KLB: variants seen among roughly 807,000 people sequenced by gnomAD.
The protein encoded by KLB is beta-klotho.
Under a neutral mutation model 88.4 loss-of-function variants are expected in KLB, and 44 were observed. The observed-to-expected ratio is 0.50, with a 90% confidence interval of 0.39 to 0.64. KLB has a LOEUF of 0.64. Ranked by LOEUF, KLB falls within the 30% of genes least tolerant of loss-of-function variation. The pLI, the probability that KLB is intolerant of heterozygous loss-of-function variation, is 0.00. For synonymous variants in KLB, 548 were observed against 513.4 expected (o/e 1.07, Z -0.91); for missense variants, 1,137 against 1,304.8 (o/e 0.87, Z 1.98).
rs182047962 is a variant in KLB, at chr4:39,426,929, T to C, written c.826-7281T>C. ...GTCTTGAACTCCTGGCCTCAAGTGA[T>C]CCTCCCACCTCAGCCTCCCAAAGTG... On this transcript the variant is annotated intron_variant, in intron 1 of 4. Transcript: ENST00000257408. 1.0e-3 allele frequency among the ~76,000 whole-genome samples: 158 copies of C among 152,128 alleles called. 2 individuals carry two copies. Among genetic ancestry groups the C allele is most frequent in the African/African-American group, 3.8e-3 (156 of 41,510 alleles).
chr4:39,442,077 A>G (rs544389700), intron 3 of KLB, among the ~76,000 whole-genome samples: 1 of 152,220 alleles, frequency 6.6e-6, no homozygotes, highest in African/African-American at 2.4e-5. Flanking sequence ...CCCTGTCTCT[A>G]CAAAAAAAAC....
intron 3 of KLB, among the ~76,000 whole-genome samples, chr4:39,440,545 G>A (rs1223917712): frequency 1.3e-5 from 2 of 152,084 alleles, no homozygotes; most frequent in African/African-American, 4.8e-5. Context: ...AAGTTCTCAG[G>A]TTATGAATCT....
chr4:39,413,072 A>G (rs752146104), intron 1 of KLB, among the ~76,000 whole-genome samples: 1 of 152,218 alleles, frequency 6.6e-6, no homozygotes, highest in Non-Finnish European at 1.5e-5. Context: ...GAATGGGCTC[A>G]GTGACCAGGA....
rs188445158 is a variant in KLB, at chr4:39,434,867, C to T, written c.1336+147C>T. On this transcript the variant is annotated intron_variant, in intron 2 of 4. Coordinates refer to ENST00000257408, the MANE Select transcript of KLB (RefSeq NM_175737.4). ...TGTCTCCCAGGCTGAAGTGCAGTGG[C>T]ACCATCTTGGCTCACTGCAACCTCC... The T allele has an allele frequency of 3.6e-4, 239 of 664,808 alleles. 1 individual carries two copies. In the African/African-American group the frequency reaches 3.9e-3, roughly 11 times the overall value. The allele number at this position is 664,808 out of a possible 1,614,324, so 41.2% of individuals were successfully genotyped here.
At position 39,446,575 on chromosome 4, in the gene KLB, C is replaced by A. The variant is rs761068030; in HGVS notation, c.1849C>A (p.Arg617=). 6.2e-7 allele frequency: 1 copy of A among 1,614,226 alleles called. No individual in the cohort carries two copies. ...LPTGNLSAVN[R]QALRYYRCVV... is the part of the protein sequence containing the mutation. ...CACTGGCAACCTGTCCGCGGTGAAC[C>A]GACAGGCCCTGAGGTACTACAGGTG... Residue 617 remains arginine, a synonymous_variant, in exon 4 of 5, where the codon CGA becomes AGA. Transcript: ENST00000257408. This position sits in a 1 kb window ranked among gnomAD's most constrained non-coding sequence, Gnocchi z 6.4.
intron 1 of KLB, among the ~76,000 whole-genome samples, 154 bp downstream of exon 1, chr4:39,407,928 G>A (rs1435031808): frequency 6.6e-6 from 1 of 152,194 alleles, no homozygotes; most frequent in East Asian, 1.9e-4. Context: ...TTAAGTTAGT[G>A]TATGTTTTAT....
At chr4:39,429,597 TC>T (rs1475145473) in intron 1 of KLB, among the ~76,000 whole-genome samples, 1 of 152,176 alleles carries the variant, frequency 6.6e-6, no homozygotes, top group East Asian at 1.9e-4. Flanking sequence ...AGGTTGAAGC[TC>T]CCTTAAATCA....
Position 39,449,425 on chromosome 4 carries a change from TTCTG to T in KLB, c.*742_*745del, listed in dbSNP as rs1743840712. The T allele has an allele frequency of 6.6e-6, 1 of 152,048 alleles. No individual in the cohort carries two copies. Among genetic ancestry groups the T allele is most frequent in the Non-Finnish European group, 1.5e-5 (1 of 68,014 alleles). 9.4% of individuals were successfully genotyped at this position (152,048 alleles called of 1,614,324 possible). On this transcript the variant is annotated 3_prime_UTR_variant, in exon 5 of 5. Coordinates refer to ENST00000257408, the MANE Select transcript of KLB (RefSeq NM_175737.4). The stretch of plus-strand genomic sequence containing the variant: ...GGTAGTCAGTGATAGATAATATATA[TTCTG>T]TCACTTCTAATAAGGTGCCTTCTCC...
Position 39,446,752 on chromosome 4 carries a change from C to T in KLB, c.2026C>T (p.Leu676=). ...TAEAFQAYAG[L]CFQELGDLVK... ...CGAGGCCTTCCAGGCCTACGCTGGG[C>T]TGTGCTTCCAGGAGCTGGGGGACCT... is the stretch of plus-strand genomic sequence containing the variant. The change falls in exon 4 of 5, where the codon CTG becomes TTG. Residue 676 remains leucine (L), a synonymous_variant. Transcript: ENST00000257408. The surrounding 1 kb of genome is among the most constrained non-coding windows in gnomAD (Gnocchi z 6.4). The T allele has an allele frequency of 6.2e-7, 1 of 1,606,368 alleles. No homozygotes were observed. The highest frequency in any genetic ancestry group is 1.1e-5 in the South Asian group (1 of 89,700).
In KLB at chr4:39,446,820, T is replaced by A. The variant is rs1245412019; in HGVS notation, c.2094T>A (p.Ser698Arg). The A allele has an allele frequency of 6.2e-7, 1 of 1,612,982 alleles. No individual in the cohort carries two copies. The highest frequency in any genetic ancestry group is 1.3e-5 in the African/African-American group (1 of 75,048). The change falls in exon 4 of 5, where the codon AGT (serine) becomes AGA (arginine). Residue 698 changes from serine to arginine, a missense_variant. Physicochemically the swap from Ser to Arg is moderately radical, Grantham distance 110. Around this residue, in one of 4 missense-constraint regions of KLB, gnomAD observed 597 missense variants for 765.2 expected, o/e 0.78. Coordinates refer to ENST00000257408, the MANE Select transcript of KLB (RefSeq NM_175737.4). The surrounding 1 kb of genome is among the most constrained non-coding windows in gnomAD (Gnocchi z 6.4). ...WITINEPNRL[S>R]DIYNRSGNDT... is the part of the protein sequence containing the mutation. Reference sequence around the variant, plus strand: ...CCATCAACGAGCCTAACCGGCTAAGTGACATCTACAACCGCTCTGGCAACG... The same window carrying A: ...CCATCAACGAGCCTAACCGGCTAAGAGACATCTACAACCGCTCTGGCAACG...
At chr4:39,443,692 C>T (rs911459120) in intron 3 of KLB, among the ~76,000 whole-genome samples, 4 of 144,914 alleles carry the variant, frequency 2.8e-5, no homozygotes, top group African/African-American at 5.1e-5. Context: ...ACCTCAGAGA[C>T]GGAGGTTGCA....
chr4:39,431,179 C>T (rs571359424), intron 1 of KLB, among the ~76,000 whole-genome samples: 1 of 150,728 alleles, frequency 6.6e-6, no homozygotes, highest in South Asian at 2.1e-4. Flanking sequence ...ATCTTCCCAC[C>T]TTGGCCTCCC....
intron 1 of KLB, among the ~76,000 whole-genome samples, chr4:39,416,108 GACACAC>G (rs34831449): frequency 0.013 from 1,836 of 143,070 alleles, 19 homozygotes; most frequent in Middle Eastern, 0.035. Flanking sequence ...GTAGATTGCA[GACACAC>G]ACACACACAC....
chr4:39,443,056 G>A (rs546670990), intron 3 of KLB, among the ~76,000 whole-genome samples: 1 of 152,260 alleles, frequency 6.6e-6, no homozygotes, highest in African/African-American at 2.4e-5. Context: ...CCAACTGCTT[G>A]TAGATTTCTC....
intron 3 of KLB, among the ~76,000 whole-genome samples, chr4:39,443,758 C>CTAA (rs1560653061): frequency 1.8e-5 from 2 of 111,102 alleles, no homozygotes; most frequent in African/African-American, 6.7e-5. Context: ...GAGACTTTGT[C>CTAA]AAAAAAAAAA....
At chr4:39,424,439 C>T (rs1743152955) in intron 1 of KLB, among the ~76,000 whole-genome samples, 1 of 151,578 alleles carries the variant, frequency 6.6e-6, no homozygotes, top group Non-Finnish European at 1.5e-5. Context: ...AAGAACTGCT[C>T]ACCTAGAAAT....
At chr4:39,424,520 T>C (rs569127067) in intron 1 of KLB, among the ~76,000 whole-genome samples, 1 of 151,938 alleles carries the variant, frequency 6.6e-6, no homozygotes, top group South Asian at 2.1e-4. Context: ...CAAGGCGACC[T>C]GAAGCTAAAG....
intron 1 of KLB, among the ~76,000 whole-genome samples, chr4:39,419,730 C>T (rs929620608): frequency 3.2e-4 from 48 of 149,454 alleles, no homozygotes; most frequent in Non-Finnish European, 2.7e-4. Flanking sequence ...GAGCCAAGAT[C>T]GCACCACTGC....
At chr4:39,448,225 C>A in intron 4 of KLB, 76 bp from the exon 5 acceptor site, 1 of 1,156,914 alleles carries the variant, frequency 8.6e-7, no homozygotes, top group Non-Finnish European at 1.2e-6. Flanking sequence ...TAGCTTGTTT[C>A]AATGAAAACT....
Sources: gnomAD v4.1 joint callset for allele counts (sites outside exome capture counted in the v4.1 genomes callset) on GRCh38, gnomAD v4.1.1 for gene constraint, gnomAD v4.1.1 regional missense constraint, Gnocchi (gnomAD v3.1) non-coding constraint, MANE v1.5 for transcripts, NCBI Gene and HGNC (gene_info 2026-07-23, HGNC 2026-07-21) for gene names.